MED24: variants seen among roughly 807,000 people sequenced by gnomAD.
MED24 encodes mediator of RNA polymerase II transcription subunit 24.
A neutral mutation model predicts 118.8 loss-of-function variants in MED24; 74 were observed. The ratio of observed to expected loss-of-function variants is 0.62; its 90% confidence interval spans 0.52 to 0.76. The LOEUF is 0.76. Among genes scored for constraint, MED24 ranks in the 30% least tolerant of loss-of-function variants. The pLI, the probability that MED24 is intolerant of heterozygous loss-of-function variation, is 0.00. For missense variants in MED24, 1,041 were observed against 1,278.9 expected, an observed-to-expected ratio of 0.81 and a Z score of 2.84; for synonymous variants, 521 against 523.9, an observed-to-expected ratio of 0.99 and a Z score of 0.08.
intron 3 of MED24, among the ~76,000 whole-genome samples, chr17:40,041,159 C>A (rs1568171106): frequency 6.6e-6 from 1 of 152,196 alleles, no homozygotes; most frequent in Non-Finnish European, 1.5e-5. Flanking sequence ...TCATTAAGGT[C>A]ATTGACAAAC....
intron 3 of MED24, among the ~76,000 whole-genome samples, chr17:40,045,561 G>A: frequency 6.6e-6 from 1 of 152,184 alleles, no homozygotes; most frequent in Middle Eastern, 3.2e-3. Context: ...GGCCAAGGTG[G>A]GTAGATTGAG....
chr17:40,044,949 G>C (rs916747121), intron 3 of MED24, among the ~76,000 whole-genome samples: 1 of 152,038 alleles, frequency 6.6e-6, no homozygotes, highest in Non-Finnish European at 1.5e-5. Context: ...ATTACGGATG[G>C]GGTATAACCT....
In MED24 at chr17:40,035,149, G is replaced by C; in HGVS notation, c.527C>G (p.Ala176Gly). 6.2e-7 allele frequency: 1 copy of C among 1,614,146 alleles called. No individual in the cohort carries two copies. Among genetic ancestry groups the C allele is most frequent in the Non-Finnish European group, 8.5e-7 (1 of 1,180,030 alleles). The part of the protein sequence containing the change: ...EKTLSSTKNR[A>G]LLHIAKLEEA... ...CTCTAGTTTGGCGATGTGCAGCAGG[G>C]CCCGGTTCTTGGTGCTGCTGAGGGT... Residue 176 changes from alanine (A) to glycine (G), a missense_variant, in exon 6 of 26, where the codon GCC (alanine) becomes GGC (glycine). Physicochemically the swap from Ala to Gly is moderately conservative, Grantham distance 60. Transcript: ENST00000394128.
At chr17:40,020,105 G>T in intron 24 of MED24, 168 bp downstream of exon 24, 2 of 716,082 alleles carry the variant, frequency 2.8e-6, no homozygotes, top group Admixed American at 2.4e-5. Context: ...GGAGGAGGGG[G>T]AACTAGACAG....
At chr17:40,023,023 G>GCCA in intron 20 of MED24, 108 bp downstream of exon 20, 1 of 1,460,886 alleles carries the variant, frequency 6.8e-7, no homozygotes, top group Non-Finnish European at 9.2e-7. Context: ...TTCCGGGGAG[G>GCCA]CCACCTGGCT....
rs1004272571 is a variant in MED24, at chr17:40,035,238, C to T, written c.438G>A (p.Leu146=). ...AASAERLREG[L]EAGTPAAGEK... ...CCCCAGCGGCTGGAGTGCCGGCCTC[C>T]AGCCCCTCCCGCAGCCGCTCTGCAG... The change falls in exon 6 of 26, where the codon CTG becomes CTA. Residue 146 remains leucine (L), a synonymous_variant. Transcript: ENST00000394128. 4.3e-6 allele frequency: 7 copies of T among 1,613,906 alleles called. No individual in the cohort carries two copies. The highest frequency in any genetic ancestry group is 5.9e-6 in the Non-Finnish European group (7 of 1,179,998).
chr17:40,032,208 T>A, intron 9 of MED24, 118 bp from the exon 10 acceptor site: 1 of 1,206,616 alleles, frequency 8.3e-7, no homozygotes, highest in Non-Finnish European at 1.2e-6. Flanking sequence ...ACTCCTACCC[T>A]GGGAGTGAGA....
In MED24 at chr17:40,035,325, G is replaced by A; in HGVS notation, c.351C>T (p.Cys117=). The change falls in exon 6 of 26, where the codon TGC becomes TGT. Residue 117 remains cysteine, a synonymous_variant. Coordinates refer to ENST00000394128, the MANE Select transcript of MED24 (RefSeq NM_014815.4). ...RLSCHGKAEE[C]IGLCRALLSA... ...TAAGAAGGGCTCGGCACAGTCCGAT[G>A]CATTCCTCTGCTTTGCCGTGACAGC... 1 of 1,596,114 alleles carries A rather than the reference G, an allele frequency of 6.3e-7. No homozygotes were observed. The highest frequency in any genetic ancestry group is 8.6e-7 in the Non-Finnish European group (1 of 1,167,246).
At position 40,023,574 on chromosome 17, in the gene MED24, T is replaced by C. The variant is rs562546425; in HGVS notation, c.1986-179A>G. ...CGGGGTGACCTGGCCCCTGCTCTGCTCCTGGCAGGTCTCTCACCTGCAGGA... is the reference window on the plus strand; with the variant it reads ...CGGGGTGACCTGGCCCCTGCTCTGCCCCTGGCAGGTCTCTCACCTGCAGGA... On this transcript the variant is annotated intron_variant, in intron 19 of 25. Transcript: ENST00000394128. 1.3e-4 allele frequency: 77 copies of C among 589,232 alleles called. 1 individual carries two copies. In the South Asian group the frequency reaches 1.3e-3, roughly 10 times the overall value. 36.5% of individuals were successfully genotyped at this position (589,232 alleles called of 1,614,324 possible).
intron 13 of MED24, 173 bp from the exon 14 acceptor site, chr17:40,029,141 A>C: frequency 1.2e-6 from 1 of 821,584 alleles, no homozygotes; most frequent in Non-Finnish European, 1.9e-6. Flanking sequence ...CATCCCTCTC[A>C]TCTACACTGG....
chr17:40,029,671 T>G, intron 13 of MED24, 77 bp downstream of exon 13: 1 of 1,388,456 alleles, frequency 7.2e-7, no homozygotes, highest in Non-Finnish European at 1.0e-6. Context: ...GTGGCCTCTG[T>G]TTATTTATCT....
chr17:40,028,054 G>C (rs1184559368), intron 14 of MED24, 108 bp from the exon 15 acceptor site: 1 of 1,141,314 alleles, frequency 8.8e-7, no homozygotes, highest in Non-Finnish European at 1.3e-6. Flanking sequence ...TGAGTTACTG[G>C]TTAAACTTAA....
At chr17:40,031,337 TTCAGG>T in intron 11 of MED24, 92 bp from the exon 12 acceptor site, 2 of 1,349,648 alleles carry the variant, frequency 1.5e-6, no homozygotes, top group South Asian at 1.2e-5. Context: ...TCCTCCCTCT[TTCAGG>T]ATGAGGAAAA....
Position 40,033,335 on chromosome 17 carries a change from G to C in MED24, c.671+10C>G, listed in dbSNP as rs1366821230. The C allele has an allele frequency of 1.2e-6, 2 of 1,612,942 alleles. No individual in the cohort carries two copies. Among genetic ancestry groups the C allele is most frequent in the South Asian group, 2.2e-5 (2 of 90,926 alleles). On this transcript the variant is annotated intron_variant, in intron 7 of 25. Transcript: ENST00000394128. This position sits in a 1 kb window ranked among gnomAD's most constrained non-coding sequence, Gnocchi z 5.2. Reference sequence around the variant, plus strand: ...TCTCCCTTCTCCACCATCCCCCAGGGAGCCGGTACCTCCTAATGAGGGTGC... The same window carrying C: ...TCTCCCTTCTCCACCATCCCCCAGGCAGCCGGTACCTCCTAATGAGGGTGC...
At chr17:40,035,893 C>T in intron 4 of MED24, 98 bp from the exon 5 acceptor site, 2 of 1,251,700 alleles carry the variant, frequency 1.6e-6, no homozygotes, top group Non-Finnish European at 2.3e-6. Flanking sequence ...CTCCTCTCTC[C>T]TCCAACCCTG....
chr17:40,032,581 C>A, intron 9 of MED24, 68 bp downstream of exon 9: 1 of 1,288,160 alleles, frequency 7.8e-7, no homozygotes. Flanking sequence ...GGGCAAAGGT[C>A]CAGGGTGCCA....
intron 10 of MED24, 148 bp from the exon 11 acceptor site, chr17:40,031,768 G>T (rs565094057): frequency 2.6e-6 from 2 of 780,266 alleles, no homozygotes; most frequent in Non-Finnish European, 4.2e-6. Flanking sequence ...GCACGCAGAC[G>T]CTGAAGCACA....
intron 3 of MED24, among the ~76,000 whole-genome samples, chr17:40,047,920 G>A (rs1363105732): frequency 1.3e-5 from 2 of 152,008 alleles, no homozygotes; most frequent in African/African-American, 4.8e-5. Flanking sequence ...AGTAGAGACG[G>A]GGTTTCACCA....
intron 8 of MED24, 26 bp from the exon 9 acceptor site, chr17:40,032,788 C>G: frequency 1.3e-6 from 2 of 1,594,532 alleles, no homozygotes; most frequent in East Asian, 4.5e-5. Context: ...AGGATGAGGC[C>G]TAAGAGGGTG....
Sources: gnomAD v4.1 joint callset for allele counts (sites outside exome capture counted in the v4.1 genomes callset) on GRCh38, gnomAD v4.1.1 for gene constraint, Gnocchi (gnomAD v3.1) non-coding constraint, MANE v1.5 for transcripts, NCBI Gene and HGNC (gene_info 2026-07-23, HGNC 2026-07-21) for gene names.